LYPD6: variants seen among roughly 807,000 people sequenced by gnomAD.
The protein encoded by LYPD6 is LY6/PLAUR domain containing 6.
Under a neutral mutation model 22.7 loss-of-function variants are expected in LYPD6, and 15 were observed. The ratio of observed to expected loss-of-function variants is 0.66; its 90% CI spans 0.44 to 1.02. The LOEUF is 1.02. Ranked by LOEUF, LYPD6 falls within the 50% of genes least tolerant of loss-of-function variation. The pLI is 0.00. For missense variants in LYPD6, 189 were observed against 208.4 expected, an observed-to-expected ratio of 0.91 and a Z score of 0.57; for synonymous variants, 72 against 77.5, an observed-to-expected ratio of 0.93 and a Z score of 0.37.
At chr2:149,364,428 TTA>T (rs766769144) in intron 1 of LYPD6, among the ~76,000 whole-genome samples, 4 of 152,104 alleles carry the variant, frequency 2.6e-5, no homozygotes, top group Non-Finnish European at 5.9e-5. Context: ...TTTTGAAAAA[TTA>T]ATGAGTTTTG....
chr2:149,444,328 G>C (rs377125853), intron 2 of LYPD6, among the ~76,000 whole-genome samples: 2 of 152,144 alleles, frequency 1.3e-5, no homozygotes, highest in Non-Finnish European at 2.9e-5. Flanking sequence ...GCTGGTGGAG[G>C]GTCTTGCCTT....
chr2:149,385,884 G>A (rs1332785405), intron 1 of LYPD6, among the ~76,000 whole-genome samples: 1 of 152,162 alleles, frequency 6.6e-6, no homozygotes, highest in African/African-American at 2.4e-5. Flanking sequence ...AGAGAGTGGA[G>A]TGGGGTTGGG....
At chr2:149,402,032 A>C (rs1163922355) in intron 1 of LYPD6, among the ~76,000 whole-genome samples, 1 of 152,196 alleles carries the variant, frequency 6.6e-6, no homozygotes, top group East Asian at 1.9e-4. Context: ...TGAGAGGCTT[A>C]AAACCTAGAT....
At chr2:149,392,556 G>A (rs1052881035) in intron 1 of LYPD6, among the ~76,000 whole-genome samples, 1 of 152,202 alleles carries the variant, frequency 6.6e-6, no homozygotes, top group Non-Finnish European at 1.5e-5. Context: ...AAGCTGTGAC[G>A]GATGGGAGAG....
intron 1 of LYPD6, among the ~76,000 whole-genome samples, chr2:149,401,226 G>T (rs1429238840): frequency 1.3e-5 from 2 of 152,210 alleles, no homozygotes; most frequent in Non-Finnish European, 2.9e-5. Context: ...GTTCCATCCA[G>T]TGGTTTCCAC....
intron 2 of LYPD6, chr2:149,440,553 A>G (rs915660562): frequency 6.6e-6 from 1 of 152,142 alleles, no homozygotes; most frequent in Admixed American, 6.5e-5. Context: ...TAAGTAGATG[A>G]TTCACCAGCA....
chr2:149,389,511 C>T (rs1015984333), intron 1 of LYPD6, among the ~76,000 whole-genome samples: 12 of 152,096 alleles, frequency 7.9e-5, no homozygotes, highest in African/African-American at 2.7e-4. Context: ...CAAAATGACC[C>T]CATGCATTAA....
chr2:149,401,878 C>T (rs1478702543), intron 1 of LYPD6, among the ~76,000 whole-genome samples: 3 of 151,952 alleles, frequency 2.0e-5, no homozygotes, highest in Admixed American at 6.6e-5. Flanking sequence ...CCCCTTCCCC[C>T]GAATCCCCAA....
chr2:149,378,761 C>A (rs1222272765), intron 1 of LYPD6, among the ~76,000 whole-genome samples: 2 of 152,146 alleles, frequency 1.3e-5, no homozygotes, highest in Non-Finnish European at 2.9e-5. Flanking sequence ...AAACTTCTCT[C>A]ATGAAACCCA....
At chr2:149,362,107 A>G (rs1471332384) in intron 1 of LYPD6, among the ~76,000 whole-genome samples, 2 of 152,188 alleles carry the variant, frequency 1.3e-5, no homozygotes, top group African/African-American at 4.8e-5. Flanking sequence ...AGTAAGACCC[A>G]TATTGGACTT....
chr2:149,458,217 C>T (rs976338951), intron 3 of LYPD6, among the ~76,000 whole-genome samples: 1 of 152,128 alleles, frequency 6.6e-6, no homozygotes, highest in Non-Finnish European at 1.5e-5. Context: ...ACACTTGTCC[C>T]TCCCCACCAG....
At position 149,393,300 on chromosome 2, in the gene LYPD6, G is replaced by T. The variant is rs150834849; in HGVS notation, c.-71-44338G>T. Among the ~76,000 whole-genome samples, 16 of 152,258 alleles carry T rather than the reference G, an allele frequency of 1.1e-4. No homozygotes were observed. The East Asian group carries it at 3.1e-3, about 29-fold the overall frequency. On this transcript the variant is annotated intron_variant, in intron 1 of 4. Transcript: ENST00000334166. ...TGAGGGCTGATTTAGCTCGAAGAGGGTCCATTTAAAACCTATTCTTGTGTT... is the reference window on the plus strand; with the variant it reads ...TGAGGGCTGATTTAGCTCGAAGAGGTTCCATTTAAAACCTATTCTTGTGTT...
chr2:149,452,327 A>G (rs925712868), intron 3 of LYPD6, among the ~76,000 whole-genome samples: 2 of 152,166 alleles, frequency 1.3e-5, no homozygotes, highest in Admixed American at 6.5e-5. Flanking sequence ...GGCCAGCCCT[A>G]TTTCCCACGA....
At chr2:149,416,173 A>G (rs1682957893) in intron 1 of LYPD6, among the ~76,000 whole-genome samples, 1 of 152,102 alleles carries the variant, frequency 6.6e-6, no homozygotes, top group African/African-American at 2.4e-5. Flanking sequence ...CTTCCTCACC[A>G]CAGTTAATTT....
At chr2:149,410,433 C>T (rs914752714) in intron 1 of LYPD6, among the ~76,000 whole-genome samples, 8 of 151,962 alleles carry the variant, frequency 5.3e-5, no homozygotes, top group East Asian at 1.9e-4. Context: ...TGAACCAAGT[C>T]GGAGTTAGAA....
chr2:149,414,083 A>G (rs1682911614), intron 1 of LYPD6, among the ~76,000 whole-genome samples: 1 of 152,178 alleles, frequency 6.6e-6, no homozygotes, highest in South Asian at 2.1e-4. Context: ...ATTTTTACAA[A>G]TTTATGTAAT....
chr2:149,485,962 C>T, the LYPD6 span, among the ~76,000 whole-genome samples: 103,878 of 152,036 alleles, frequency 0.68, 37,594 homozygotes, highest in East Asian at 0.86. Context: ...GGTTTTAAAA[C>T]ATTTCTGGCT....
chr2:149,397,436 T>C (rs1682451698), intron 1 of LYPD6, among the ~76,000 whole-genome samples: 1 of 152,204 alleles, frequency 6.6e-6, no homozygotes, highest in African/African-American at 2.4e-5. Context: ...CTTCATAATG[T>C]CTTGGCCCAG....
At chr2:149,337,719 G>A (rs189252004) in intron 1 of LYPD6, among the ~76,000 whole-genome samples, 4 of 152,254 alleles carry the variant, frequency 2.6e-5, no homozygotes, top group Admixed American at 2.6e-4. Context: ...TTGGTGTACA[G>A]ATTATTTCCT....
Sources: gnomAD v4.1 joint callset for allele counts (sites outside exome capture counted in the v4.1 genomes callset) on GRCh38, gnomAD v4.1.1 for gene constraint, MANE v1.5 for transcripts, NCBI Gene and HGNC (gene_info 2026-07-23, HGNC 2026-07-21) for gene names.